The following ATF3 variants were observed in gnomAD, a reference collection of about 807,000 sequenced individuals.
The protein encoded by ATF3 is cyclic AMP-dependent transcription factor ATF-3.
In ATF3, 10 loss-of-function variants were observed where a neutral mutation model predicts 18.4. The ratio of observed to expected loss-of-function variants is 0.54; its 90% CI spans 0.34 to 0.92. The LOEUF (loss-of-function observed/expected upper bound fraction) is 0.92. Among genes scored for constraint, ATF3 ranks in the 40% least tolerant of loss-of-function variants. ATF3 has a pLI of 0.02. For missense variants in ATF3, 183 were observed against 222.3 expected (o/e 0.82, Z 1.12); for synonymous variants, 78 against 87.9 (o/e 0.89, Z 0.63).
intron 1 of ATF3, among the ~76,000 whole-genome samples, chr1:212,579,264 A>G (rs1404408781): frequency 6.6e-6 from 1 of 152,090 alleles, no homozygotes; most frequent in Non-Finnish European, 1.5e-5. Context: ...CACCTGCCTC[A>G]GCCTCCCAAA....
At chr1:212,591,914 G>A (rs6683022) in intron 1 of ATF3, among the ~76,000 whole-genome samples, 40,907 of 151,894 alleles carry the variant, frequency 0.27, 6,124 homozygotes, top group African/African-American at 0.41. Flanking sequence ...AACCTCCGCC[G>A]GGTGGGAGTA....
At chr1:212,617,046 C>T (rs370769224) in intron 2 of ATF3, among the ~76,000 whole-genome samples, 1 of 152,106 alleles carries the variant, frequency 6.6e-6, no homozygotes, top group African/African-American at 2.4e-5. Flanking sequence ...TGGAAATTAT[C>T]GGCATATAGA....
chr1:212,597,354 T>G (rs1654313631), intron 1 of ATF3, among the ~76,000 whole-genome samples: 1 of 152,198 alleles, frequency 6.6e-6, no homozygotes, highest in Non-Finnish European at 1.5e-5. Context: ...ATTTCAGAAT[T>G]TATAATAATA....
At chr1:212,588,460 C>T (rs530473952) in intron 1 of ATF3, among the ~76,000 whole-genome samples, 38 of 152,200 alleles carry the variant, frequency 2.5e-4, no homozygotes, top group African/African-American at 8.7e-4. Flanking sequence ...GCTTTGGAGT[C>T]TCTTTTTAGC....
At chr1:212,611,840 T>G (rs981829388) in intron 1 of ATF3, among the ~76,000 whole-genome samples, 9 of 152,232 alleles carry the variant, frequency 5.9e-5, no homozygotes, top group African/African-American at 2.2e-4. Context: ...GATTTCTGAT[T>G]GGAAATAATC....
upstream of ATF3, among the ~76,000 whole-genome samples, chr1:212,606,294 A>G (rs1654622485): frequency 6.6e-6 from 1 of 152,196 alleles, no homozygotes. Context: ...CTCTGTCAAG[A>G]TTCTTATCAC....
intron 2 of ATF3, among the ~76,000 whole-genome samples, chr1:212,616,471 T>A (rs879463329): frequency 1.3e-5 from 2 of 151,904 alleles, no homozygotes; most frequent in Non-Finnish European, 2.9e-5. Context: ...AATTTTTGAA[T>A]TTTTTTAGTA....
chr1:212,598,060 T>A, intron 1 of ATF3, among the ~76,000 whole-genome samples: 1 of 152,144 alleles, frequency 6.6e-6, no homozygotes, highest in East Asian at 1.9e-4. Context: ...CACAGTAATA[T>A]TAGTTTTTGC....
In ATF3 at chr1:212,618,273, C is replaced by A; in HGVS notation, c.348+39C>A. ...AGCCTTACCCTTCCTCTCGCTCACGCCTGTCTTCACCAGCTTCATGTGGCT... is the reference window on the plus strand; with the variant it reads ...AGCCTTACCCTTCCTCTCGCTCACGACTGTCTTCACCAGCTTCATGTGGCT... On this transcript the variant is annotated intron_variant, in intron 3 of 3. Transcript: ENST00000341491. This position sits in a 1 kb window ranked among gnomAD's most constrained non-coding sequence, Gnocchi z 4.4. 3 of 1,581,178 alleles carry A rather than the reference C, an allele frequency of 1.9e-6. No homozygotes were observed. Among genetic ancestry groups the A allele is most frequent in the Non-Finnish European group, 1.7e-6 (2 of 1,150,206 alleles).
Position 212,618,892 on chromosome 1 carries a change from A to C in ATF3, c.349-466A>C, listed in dbSNP as rs1410619307. 2 of 962,850 alleles carry C rather than the reference A, an allele frequency of 2.1e-6. No individual in the cohort carries two copies. The highest frequency in any genetic ancestry group is 3.2e-5 in the African/African-American group (2 of 61,886). The allele number at this position is 962,850 out of a possible 1,614,324, so 59.6% of individuals were successfully genotyped here. A position where few individuals can be genotyped will look rare whatever the true frequency, so the allele number is the denominator to read the frequency against. On this transcript the variant is annotated intron_variant, in intron 3 of 3. Transcript: ENST00000341491. The surrounding 1 kb of genome is among the most constrained non-coding windows in gnomAD (Gnocchi z 4.4). The stretch of plus-strand genomic sequence containing the variant: ...CAGAGTCTTAGCCCAAGTCCCACAG[A>C]TCCCCAAAAGTTCTGTTGATTGCTT...
intron 1 of ATF3, among the ~76,000 whole-genome samples, chr1:212,577,266 T>C (rs1163639626): frequency 6.6e-6 from 1 of 152,186 alleles, no homozygotes; most frequent in East Asian, 1.9e-4. Flanking sequence ...TTCATTTATC[T>C]CTTTAACCTT....
In ATF3 at chr1:212,568,477, G is replaced by GGC. The variant is rs1349833876; in HGVS notation, c.-5+2995_-5+2996dup. Among the ~76,000 whole-genome samples, 5 of 152,216 alleles carry GGC rather than the reference G, an allele frequency of 3.3e-5. No individual in the cohort carries two copies. The East Asian group carries it at 9.6e-4, about 29-fold the overall frequency. On this transcript the variant is annotated intron_variant, in intron 1 of 3. Coordinates refer to the ATF3 transcript ENST00000366981. ...AACATCGACCTACCCTGAACTAAGG[G>GGC]GCTCAGGCGTGTTTTTGTGGACTAC...
intron 2 of ATF3, among the ~76,000 whole-genome samples, chr1:212,616,736 G>A (rs1655146029): frequency 6.6e-6 from 1 of 152,222 alleles, no homozygotes; most frequent in Non-Finnish European, 1.5e-5. Context: ...GGAGGGAGCA[G>A]TGCAGGTGCT....
upstream of ATF3, among the ~76,000 whole-genome samples, chr1:212,608,436 G>C (rs964149549): frequency 1.3e-5 from 2 of 152,184 alleles, no homozygotes; most frequent in African/African-American, 4.8e-5. Context: ...GCAGCAGCGA[G>C]TACGCACATC....
rs1430744519 is a variant in ATF3 at position 212,618,440 on chromosome 1, A to G, written c.348+206A>G. On this transcript the variant is annotated intron_variant, in intron 3 of 3. Transcript: ENST00000341491. This position sits in a 1 kb window ranked among gnomAD's most constrained non-coding sequence, Gnocchi z 4.4. ...TGGATGTGACGGTGGATGTATAAAA[A>G]CAGGTGTGTGAATTCGTCTGATGCC... The G allele has an allele frequency of 6.5e-6, 4 of 611,260 alleles. No homozygotes were observed. Among genetic ancestry groups the G allele is most frequent in the South Asian group, 5.4e-5 (3 of 55,832 alleles). 37.9% of individuals were successfully genotyped at this position (611,260 alleles called of 1,614,324 possible). A position where few individuals can be genotyped will look rare whatever the true frequency, so the allele number is the denominator to read the frequency against.
rs142776958 is a variant in ATF3 at position 212,567,697 on chromosome 1, T to C, written c.-5+2214T>C. 2.3e-3 allele frequency among the ~76,000 whole-genome samples: 343 copies of C among 152,368 alleles called. 1 individual carries two copies. Among genetic ancestry groups the C allele is most frequent in the African/African-American group, 7.7e-3 (321 of 41,584 alleles). On this transcript the variant is annotated intron_variant, in intron 1 of 3. Transcript: ENST00000366981. The stretch of plus-strand genomic sequence containing the variant: ...TAATAATTATAATAATAGTCTAAGG[T>C]TGTGCTGCTGCTTCTAAAATAGGAA...
intron 1 of ATF3, among the ~76,000 whole-genome samples, chr1:212,578,061 C>T (rs1427388047): frequency 6.6e-6 from 1 of 152,182 alleles, no homozygotes; most frequent in African/African-American, 2.4e-5. Context: ...GAAAGGGTTT[C>T]CTTTTCTCCA....
At chr1:212,599,310 A>G (rs947730107) in intron 1 of ATF3, among the ~76,000 whole-genome samples, 1 of 152,238 alleles carries the variant, frequency 6.6e-6, no homozygotes, top group African/African-American at 2.4e-5. Flanking sequence ...TCAGTTCTCA[A>G]CTATGTCAGG....
upstream of ATF3, among the ~76,000 whole-genome samples, chr1:212,604,891 G>A (rs1166467164): frequency 1.3e-5 from 2 of 152,206 alleles, no homozygotes; most frequent in Non-Finnish European, 2.9e-5. Flanking sequence ...ATTGAGGAGA[G>A]CCCCAGGTGT....
Sources: gnomAD v4.1 joint callset for allele counts (sites outside exome capture counted in the v4.1 genomes callset) on GRCh38, gnomAD v4.1.1 for gene constraint, Gnocchi (gnomAD v3.1) non-coding constraint, MANE v1.5 for transcripts, NCBI Gene and HGNC (gene_info 2026-07-23, HGNC 2026-07-21) for gene names.